ARMH4: variants seen among roughly 807,000 people sequenced by gnomAD.
ARMH4 encodes the protein armadillo-like helical domain-containing protein 4.
A neutral mutation model predicts 61.9 loss-of-function variants in ARMH4; 49 were observed. The observed-to-expected ratio is 0.79, with a 90% CI of 0.63 to 1.00. The LOEUF is 1.00. Ranked by LOEUF, ARMH4 falls within the 50% of genes least tolerant of loss-of-function variation. ARMH4 has a pLI of 0.00. For synonymous variants in ARMH4, 368 were observed against 341.5 expected, an observed-to-expected ratio of 1.08 and a Z score of -0.85; for missense variants, 934 against 930.0, an observed-to-expected ratio of 1.00 and a Z score of -0.06.
intron 5 of ARMH4, among the ~76,000 whole-genome samples, chr14:58,032,795 G>A (rs897033025): frequency 3.3e-5 from 5 of 152,148 alleles, no homozygotes; most frequent in East Asian, 1.9e-4. Context: ...GGTGACGGAC[G>A]CACCTGGAAA....
intron 2 of ARMH4, among the ~76,000 whole-genome samples, chr14:58,133,626 G>A (rs1424175130): frequency 1.3e-5 from 2 of 152,072 alleles, no homozygotes; most frequent in African/African-American, 4.8e-5. Context: ...TCCCTTTCAG[G>A]CACATGTTTG....
chr14:58,068,633 A>G (rs1435706200), intron 5 of ARMH4, among the ~76,000 whole-genome samples: 1 of 152,184 alleles, frequency 6.6e-6, no homozygotes, highest in Non-Finnish European at 1.5e-5. Context: ...CCAGCAGACA[A>G]AAGTGTTACC....
intron 4 of ARMH4, chr14:58,116,217 T>A (rs1323342521): frequency 6.5e-6 from 1 of 153,936 alleles, no homozygotes; most frequent in Non-Finnish European, 1.5e-5. Context: ...TTCCACTCAC[T>A]GTAAAATAGT....
intron 4 of ARMH4, among the ~76,000 whole-genome samples, chr14:58,122,469 A>G (rs2141307472): frequency 6.6e-6 from 1 of 152,276 alleles, no homozygotes; most frequent in East Asian, 1.9e-4. Context: ...ATCTTAAAGG[A>G]TAAGTTTATC....
Position 58,131,713 on chromosome 14 carries a change from C to T in ARMH4, c.1630G>A (p.Asp544Asn), listed in dbSNP as rs1194425554. Residue 544 changes from aspartate (D) to asparagine (N), a missense_variant, in exon 4 of 8, where the codon GAC (aspartate) becomes AAC (asparagine). Asp to Asn is a conservative substitution (Grantham distance 23, BLOSUM62 1). Transcript: ENST00000267485. Reference protein sequence around the residue: ...EVTPTVEEQMDTVTGPNEEFT... With the variant: ...EVTPTVEEQMNTVTGPNEEFT... ...TCCTCATTTGGCCCTGTGACTGTGTCCATTTGTTCTGCCAAACACAACAGA... is the reference window on the plus strand; with the variant it reads ...TCCTCATTTGGCCCTGTGACTGTGTTCATTTGTTCTGCCAAACACAACAGA... The T allele has an allele frequency of 5.0e-6, 8 of 1,612,628 alleles. No individual in the cohort carries two copies. The South Asian group carries it at 8.8e-5, about 18-fold the overall frequency.
At chr14:58,088,469 A>G (rs1594749608) in intron 5 of ARMH4, among the ~76,000 whole-genome samples, 6 of 151,896 alleles carry the variant, frequency 4.0e-5, no homozygotes, top group Admixed American at 3.9e-4. Context: ...AAAAAAAAAA[A>G]GAGGTCTGCA....
chr14:58,078,701 A>G (rs772825564), intron 5 of ARMH4, among the ~76,000 whole-genome samples: 2 of 152,236 alleles, frequency 1.3e-5, no homozygotes, highest in African/African-American at 2.4e-5. Context: ...CTCAATTCCA[A>G]TGTTGTGAGG....
At chr14:58,133,440 T>A in intron 2 of ARMH4, 99 bp from the exon 3 acceptor site, 1 of 1,183,974 alleles carries the variant, frequency 8.4e-7, no homozygotes, top group Non-Finnish European at 1.2e-6. Flanking sequence ...GGGGAGCAGA[T>A]GCTATTTCAG....
chr14:58,051,487 T>G (rs1189003595), intron 5 of ARMH4, among the ~76,000 whole-genome samples: 1 of 152,210 alleles, frequency 6.6e-6, no homozygotes, highest in Admixed American at 6.5e-5. Context: ...CTGATGGAAC[T>G]GTCAGCCCAG....
intron 4 of ARMH4, among the ~76,000 whole-genome samples, chr14:58,119,996 C>G (rs1044367217): frequency 2.6e-5 from 4 of 151,830 alleles, no homozygotes; most frequent in African/African-American, 7.3e-5. Flanking sequence ...ACTTAACAAT[C>G]GGATACATTC....
At position 58,105,792 on chromosome 14, in the gene ARMH4, T is replaced by C. The variant is rs1188282338; in HGVS notation, c.1832-8811A>G. On this transcript the variant is annotated intron_variant, in intron 4 of 7. Coordinates refer to ENST00000267485, the MANE Select transcript of ARMH4 (RefSeq NM_001001872.4). ...AATAACCAGTGATAATGCTCAAAGA[T>C]GTAAAGTTATATTTGTTCTGACAAT... Among the ~76,000 whole-genome samples the C allele has an allele frequency of 2.6e-5, 4 of 152,082 alleles. No homozygotes were observed. The East Asian group carries it at 5.8e-4, about 22-fold the overall frequency.
chr14:58,067,823 G>C (rs1884753391), intron 5 of ARMH4, among the ~76,000 whole-genome samples: 1 of 152,172 alleles, frequency 6.6e-6, no homozygotes, highest in Non-Finnish European at 1.5e-5. Context: ...GAGGTGATAA[G>C]TCATTATCTG....
chr14:58,026,619 T>C (rs2082422687), intron 5 of ARMH4, among the ~76,000 whole-genome samples: 1 of 152,200 alleles, frequency 6.6e-6, no homozygotes, highest in South Asian at 2.1e-4. Context: ...CAAGTTTGTG[T>C]GACTTGCTTA....
chr14:58,087,547 T>C (rs1594749208), intron 5 of ARMH4, among the ~76,000 whole-genome samples: 1 of 152,272 alleles, frequency 6.6e-6, no homozygotes, highest in East Asian at 1.9e-4. Flanking sequence ...AAAGAAAATT[T>C]AAAGGGAGGA....
chr14:58,069,843 C>T (rs760800864), intron 5 of ARMH4, among the ~76,000 whole-genome samples: 1 of 152,166 alleles, frequency 6.6e-6, no homozygotes, highest in Non-Finnish European at 1.5e-5. Flanking sequence ...CACCCATTCA[C>T]ACCATAAATA....
intron 5 of ARMH4, among the ~76,000 whole-genome samples, chr14:58,015,867 G>A (rs1264212736): frequency 2.8e-5 from 4 of 143,800 alleles, no homozygotes; most frequent in East Asian, 4.3e-4. Context: ...GTAACATAGC[G>A]AGACTCCTGC....
chr14:58,019,910 G>C (rs1594694647), intron 5 of ARMH4, among the ~76,000 whole-genome samples: 1 of 152,142 alleles, frequency 6.6e-6, no homozygotes, highest in Non-Finnish European at 1.5e-5. Context: ...ATTTAGAGGA[G>C]TATGTTTAAT....
At chr14:58,046,313 C>T (rs1370323363) in intron 5 of ARMH4, among the ~76,000 whole-genome samples, 1 of 152,170 alleles carries the variant, frequency 6.6e-6, no homozygotes, top group Admixed American at 6.5e-5. Context: ...TGACCTGAGT[C>T]ACCTCTTTGT....
chr14:58,072,055 T>C (rs1356990046), intron 5 of ARMH4, among the ~76,000 whole-genome samples: 1 of 152,218 alleles, frequency 6.6e-6, no homozygotes, highest in Non-Finnish European at 1.5e-5. Context: ...CCTATGATTA[T>C]ACTAATCTTG....
Sources: gnomAD v4.1 joint callset for allele counts (sites outside exome capture counted in the v4.1 genomes callset) on GRCh38, gnomAD v4.1.1 for gene constraint, MANE v1.5 for transcripts, NCBI Gene and HGNC (gene_info 2026-07-23, HGNC 2026-07-21) for gene names.